Variants in GPR50 observed in about 807,000 individuals in gnomAD.
GPR50 encodes the protein melatonin-related receptor.
Under a neutral mutation model 2.6 loss-of-function variants are expected in GPR50, and 1 was observed. The ratio of observed to expected loss-of-function variants is 0.38; its 90% CI spans 0.13 to 1.79. The LOEUF (loss-of-function observed/expected upper bound fraction) is 1.79. Among genes scored for constraint, GPR50 ranks in the 40% most tolerant of loss-of-function variants. The probability of loss-of-function intolerance (pLI) is 0.33; values close to 1 mark genes in which losing one functional copy is unlikely to be tolerated. For synonymous variants in GPR50, 233 were observed against 202.3 expected (o/e 1.15, Z -1.29); for missense variants, 535 against 522.1 (o/e 1.02, Z -0.24).
rs1158999766 is a variant in GPR50, at chrX:151,181,212, T to C, written c.1629T>C (p.His543=). ...ACAACCCTGAGCTCTCTGCCTCCCA[T>C]TGCCCCGAGATCCCTGCCATTGCCC... The part of the protein sequence containing the change: ...AADNPELSAS[H]CPEIPAIAHP... Residue 543 remains histidine (H), a synonymous_variant, in exon 2 of 2, where the codon CAT becomes CAC. Transcript: ENST00000218316. 2 of 1,210,269 alleles carry C rather than the reference T, an allele frequency of 1.7e-6. No individual in the cohort carries two copies. The highest frequency in any genetic ancestry group is 2.2e-5 in the Admixed American group (1 of 45,978).
chrX:151,177,387 C>G (rs2072621), intron 1 of GPR50: 3 of 112,696 alleles, frequency 2.7e-5, no homozygotes, highest in Admixed American at 1.8e-4. Flanking sequence ...CAGAGCGCAA[C>G]GCAGTGGCCT....
At chrX:151,182,761 T>C (rs1285413150), downstream of GPR50, 1 of 112,946 alleles carries the variant, frequency 8.9e-6, no homozygotes, top group Non-Finnish European at 1.9e-5. Flanking sequence ...GTTTACTGTA[T>C]GAAAGCTTGT....
rs777433829 is a variant in GPR50 at position 151,181,164 on chromosome X, C to T, written c.1581C>T (p.Ser527=). 1 of 1,211,389 alleles carries T rather than the reference C, an allele frequency of 8.3e-7. No homozygotes were observed. The highest frequency in any genetic ancestry group is 3.0e-5 in the East Asian group (1 of 33,830). Residue 527 remains serine (S), a synonymous_variant, in exon 2 of 2, where the codon AGC becomes AGT. Transcript: ENST00000218316. ...TADYPKPATT[S]HPKPTAADNP... is the part of the protein sequence containing the mutation. ...ACTATCCCAAGCCTGCCACTACCAG[C>T]CACCCTAAGCCCACTGCTGCTGACA...
At position 151,180,386 on chromosome X, in the gene GPR50, C is replaced by A; in HGVS notation, c.803C>A (p.Ala268Glu). The A allele has an allele frequency of 8.3e-7, 1 of 1,210,933 alleles. No homozygotes were observed. Among genetic ancestry groups the A allele is most frequent in the Non-Finnish European group, 1.1e-6 (1 of 894,940 alleles). The change falls in exon 2 of 2, where the codon GCA (alanine) becomes GAA (glutamate). Residue 268 changes from alanine to glutamate, a missense_variant. By Grantham distance (107) the Ala-to-Glu change is moderately radical. Transcript: ENST00000218316. ...GTGGCTGTCAGTCCGAAGGAGATGG[C>A]AGGCAAGATCCCCAACTGGCTTTAT... is the stretch of plus-strand genomic sequence containing the variant. ...VLVAVSPKEM[A>E]GKIPNWLYLA...
At position 151,179,813 on chromosome X, in the gene GPR50, TGGC is replaced by T. The variant is rs2048700936; in HGVS notation, c.231_233del (p.Ala78del). ...AGTCTCTCTGTGGCCGATATGCTGGTGGCCATCTACCCATACCCTTTGATGCTG... is the reference window on the plus strand; with the variant it reads ...AGTCTCTCTGTGGCCGATATGCTGGTCATCTACCCATACCCTTTGATGCTG... On this transcript the variant is annotated inframe_deletion, in exon 2 of 2. Coordinates refer to ENST00000218316, the MANE Select transcript of GPR50 (RefSeq NM_004224.3). 1 of 1,195,717 alleles carries T rather than the reference TGGC, an allele frequency of 8.4e-7. No individual in the cohort carries two copies. The highest frequency in any genetic ancestry group is 1.7e-5 in the African/African-American group (1 of 57,380).
At position 151,176,889 on chromosome X, in the gene GPR50, C is replaced by G. The variant is rs1246151000; in HGVS notation, c.168C>G (p.Asn56Lys). The G allele has an allele frequency of 3.3e-6, 4 of 1,203,578 alleles. No individual in the cohort carries two copies. The highest frequency in any genetic ancestry group is 4.5e-6 in the Non-Finnish European group (4 of 889,650). Residue 56 changes from asparagine (N) to lysine (K), a missense_variant, in exon 1 of 2, where the codon AAC becomes AAG. Physicochemically the swap from Asn to Lys is moderately conservative, Grantham distance 94. Coordinates refer to ENST00000218316, the MANE Select transcript of GPR50 (RefSeq NM_004224.3). Reference protein sequence around the residue: ...NSMVILAVTKNKKLRNSGNIF... With the variant: ...NSMVILAVTKKKKLRNSGNIF... The stretch of plus-strand genomic sequence containing the variant: ...TGGTCATTTTGGCTGTGACGAAGAA[C>G]AAGAAGCTCCGGAATTCTGGTAAGC...
chrX:151,181,455 G>A lies in GPR50; in HGVS notation c.*18G>A. ...CTGTGTGAAAAATGCTCTCGTAGGT[G>A]GCCAGGCAGTGGTCCCCTTTCTAGT... On this transcript the variant is annotated 3_prime_UTR_variant, in exon 2 of 2. Transcript: ENST00000218316. 8.8e-7 allele frequency: 1 copy of A among 1,132,188 alleles called. No individual in the cohort carries two copies. The highest frequency in any genetic ancestry group is 1.2e-6 in the Non-Finnish European group (1 of 844,596). 93.3% of individuals were successfully genotyped at this position (1,132,188 alleles called of 1,213,427 possible). A position where few individuals can be genotyped will look rare whatever the true frequency, so the allele number is the denominator to read the frequency against.
Position 151,179,762 on chromosome X carries a change from G to C in GPR50, c.188-9G>C, listed in dbSNP as rs761440305. The C allele has an allele frequency of 2.9e-5, 33 of 1,138,012 alleles. 1 individual carries two copies. In the South Asian group the frequency reaches 6.2e-4, roughly 21 times the overall value. 93.8% of individuals were successfully genotyped at this position (1,138,012 alleles called of 1,213,427 possible). ...TTCCCCTTTCTCCCTCCCTCGATAT[G>C]TTTTTCAGGCAACATCTTCGTGGTC... On this transcript the variant is annotated splice_polypyrimidine_tract_variant and intron_variant, in intron 1 of 1. Coordinates refer to ENST00000218316, the MANE Select transcript of GPR50 (RefSeq NM_004224.3).
Position 151,177,815 on chromosome X carries a change from G to C in GPR50, c.187+907G>C, listed in dbSNP as rs763383431. The C allele has an allele frequency of 4.4e-5, 5 of 112,560 alleles. No individual in the cohort carries two copies. In the East Asian group the frequency reaches 8.6e-4, roughly 19 times the overall value. 9.3% of individuals were successfully genotyped at this position (112,560 alleles called of 1,213,427 possible). ...AGAGGCTGCAAAGGGCTGGGGTCTGGGAGCCGCAGGCGGGACTTCCCCCGC... is the reference window on the plus strand; with the variant it reads ...AGAGGCTGCAAAGGGCTGGGGTCTGCGAGCCGCAGGCGGGACTTCCCCCGC... On this transcript the variant is annotated intron_variant, in intron 1 of 1. Transcript: ENST00000218316.
In GPR50 at chrX:151,180,089, T is replaced by C. The variant is rs367944030; in HGVS notation, c.506T>C (p.Ile169Thr). 5 of 1,208,501 alleles carry C rather than the reference T, an allele frequency of 4.1e-6. No individual in the cohort carries two copies. In the African/African-American group the frequency reaches 8.8e-5, roughly 21 times the overall value. The change falls in exon 2 of 2, where the codon ATC (isoleucine) becomes ACC (threonine). Residue 169 changes from isoleucine (I) to threonine (T), a missense_variant. Transcript: ENST00000218316. ...AVLPNMYIGT[I>T]EYDPRTYTCI... is the part of the protein sequence containing the mutation. ...CTGCCCAACATGTACATTGGCACCA[T>C]CGAGTACGATCCTCGCACCTACACC...
In GPR50 at chrX:151,181,154, C is replaced by A; in HGVS notation, c.1571C>A (p.Ala524Asp). The part of the protein sequence containing the change: ...EPTTADYPKP[A>D]TTSHPKPTAA... ...ACCACTGCTGACTATCCCAAGCCTG[C>A]CACTACCAGCCACCCTAAGCCCACT... is the stretch of plus-strand genomic sequence containing the variant. The change falls in exon 2 of 2, where the codon GCC (alanine) becomes GAC (aspartate). Residue 524 changes from alanine to aspartate, a missense_variant. Transcript: ENST00000218316. 1 of 1,209,822 alleles carries A rather than the reference C, an allele frequency of 8.3e-7. No individual in the cohort carries two copies. The highest frequency in any genetic ancestry group is 1.1e-6 in the Non-Finnish European group (1 of 894,363).
At chrX:151,181,477 T>C, downstream of GPR50, 6 of 1,008,224 alleles carry the variant, frequency 6.0e-6, no homozygotes, top group Non-Finnish European at 8.1e-6. Flanking sequence ...GTCCCCTTTC[T>C]AGTTTGTTTT....
intron 1 of GPR50, among the ~76,000 whole-genome samples, chrX:151,178,747 A>G (rs898306802): frequency 1.2e-4 from 13 of 112,354 alleles, no homozygotes; most frequent in Admixed American, 6.6e-4. Context: ...AACCAATGCT[A>G]ATTAGCAACG....
At position 151,180,097 on chromosome X, in the gene GPR50, G is replaced by A. The variant is rs374353730; in HGVS notation, c.514G>A (p.Asp172Asn). The change falls in exon 2 of 2, where the codon GAT becomes AAT. Residue 172 changes from aspartate (D) to asparagine (N), a missense_variant. Coordinates refer to ENST00000218316, the MANE Select transcript of GPR50 (RefSeq NM_004224.3). The part of the protein sequence containing the change: ...PNMYIGTIEY[D>N]PRTYTCIFNY... ...CATGTACATTGGCACCATCGAGTAC[G>A]ATCCTCGCACCTACACCTGCATCTT... The A allele has an allele frequency of 4.2e-5, 51 of 1,207,707 alleles. No homozygotes were observed. Among genetic ancestry groups the A allele is most frequent in the Admixed American group, 1.1e-4 (5 of 45,744 alleles).
chrX:151,181,607 T>C, downstream of GPR50: 1 of 423,240 alleles, frequency 2.4e-6, no homozygotes, highest in East Asian at 3.7e-5. Flanking sequence ...TGTACTGTAT[T>C]AAAGTGTGTG....
At position 151,176,819 on chromosome X, in the gene GPR50, G is replaced by C. The variant is rs751230928; in HGVS notation, c.98G>C (p.Cys33Ser). The C allele has an allele frequency of 6.7e-6, 8 of 1,199,941 alleles. No homozygotes were observed. Among genetic ancestry groups the C allele is most frequent in the Admixed American group, 6.6e-5 (3 of 45,715 alleles). The change falls in exon 1 of 2, where the codon TGC (cysteine) becomes TCC (serine). Residue 33 changes from cysteine to serine, a missense_variant. Physicochemically the swap from Cys to Ser is moderately radical, Grantham distance 112. Coordinates refer to ENST00000218316, the MANE Select transcript of GPR50 (RefSeq NM_004224.3). ...CCGGCTCTAATCATCTTTATGTTCT[G>C]CGCGATGGTTATCACCATCGTTGTA... is the stretch of plus-strand genomic sequence containing the variant. Reference protein sequence around the residue: ...YPPALIIFMFCAMVITIVVDL... With the variant: ...YPPALIIFMFSAMVITIVVDL...
rs774634647 is a variant in GPR50, at chrX:151,181,119, T to C, written c.1536T>C (p.His512=). The change falls in exon 2 of 2, where the codon CAT becomes CAC. Residue 512 remains histidine, a synonymous_variant. Transcript: ENST00000218316. ...TTGHIKPATS[H]AEPTTADYPK... Reference sequence around the variant, plus strand: ...GCCACATCAAGCCAGCTACCAGCCATGCTGAGCCCACCACTGCTGACTATC... The same window carrying C: ...GCCACATCAAGCCAGCTACCAGCCACGCTGAGCCCACCACTGCTGACTATC... 9 of 1,206,862 alleles carry C rather than the reference T, an allele frequency of 7.5e-6. No homozygotes were observed. The highest frequency in any genetic ancestry group is 2.3e-4 in the Middle Eastern group (1 of 4,362).
In GPR50 at chrX:151,180,283, C is replaced by T. The variant is rs768602851; in HGVS notation, c.700C>T (p.Arg234Cys). 4.1e-6 allele frequency: 5 copies of T among 1,206,623 alleles called. No individual in the cohort carries two copies. The highest frequency in any genetic ancestry group is 1.8e-5 in the South Asian group (1 of 56,635). Reference sequence around the variant, plus strand: ...TCCTGACAACCAACTTGCTGAGGTTCGCAATTTTCTAACCATGTTTGTGAT... The same window carrying T: ...TCCTGACAACCAACTTGCTGAGGTTTGCAATTTTCTAACCATGTTTGTGAT... ...QNPDNQLAEVRNFLTMFVIFL... is the reference protein window; with the variant it reads ...QNPDNQLAEVCNFLTMFVIFL... The change falls in exon 2 of 2, where the codon CGC becomes TGC. Residue 234 changes from arginine to cysteine, a missense_variant. Coordinates refer to ENST00000218316, the MANE Select transcript of GPR50 (RefSeq NM_004224.3).
rs868643109 is a variant in GPR50 at position 151,179,852 on chromosome X, C to A, written c.269C>A (p.Ser90Tyr). 1 of 1,209,193 alleles carries A rather than the reference C, an allele frequency of 8.3e-7. No homozygotes were observed. The highest frequency in any genetic ancestry group is 1.8e-5 in the South Asian group (1 of 56,691). ...TACCCTTTGATGCTGCATGCCATGTCCATTGGGGGCTGGGATCTGAGCCAG... is the reference window on the plus strand; with the variant it reads ...TACCCTTTGATGCTGCATGCCATGTACATTGGGGGCTGGGATCTGAGCCAG... ...YPYPLMLHAM[S>Y]IGGWDLSQLQ... is the part of the protein sequence containing the mutation. The change falls in exon 2 of 2, where the codon TCC (serine) becomes TAC (tyrosine). Residue 90 changes from serine (S) to tyrosine (Y), a missense_variant. Coordinates refer to ENST00000218316, the MANE Select transcript of GPR50 (RefSeq NM_004224.3).
Sources: allele counts gnomAD v4.1 joint callset (sites outside exome capture counted in the v4.1 genomes callset), GRCh38; gene constraint gnomAD v4.1.1; transcripts MANE v1.5; gene names NCBI Gene and HGNC (gene_info 2026-07-23, HGNC 2026-07-21).